Variants in BPTF observed in about 807,000 individuals in gnomAD.
BPTF encodes nucleosome-remodeling factor subunit BPTF.
Under a neutral mutation model 292.5 loss-of-function variants are expected in BPTF, and 18 were observed. The ratio of observed to expected loss-of-function variants is 0.06; its 90% CI spans 0.04 to 0.09. The LOEUF (loss-of-function observed/expected upper bound fraction) is 0.09. Ranked by LOEUF, BPTF falls within the 10% of genes least tolerant of loss-of-function variation. The pLI is 1.00. For synonymous variants in BPTF, 1,225 were observed against 1,251.9 expected (o/e 0.98, Z 0.45); for missense variants, 2,726 against 3,498.7 (o/e 0.78, Z 5.57).
intron 18 of BPTF, among the ~76,000 whole-genome samples, chr17:67,935,385 C>T (rs565762038): frequency 9.9e-5 from 15 of 152,120 alleles, no homozygotes; most frequent in Admixed American, 7.2e-4. Flanking sequence ...CACAATCTTG[C>T]CACTGCACCT....
chr17:67,957,498 T>C (rs868989023), intron 23 of BPTF, among the ~76,000 whole-genome samples: 4 of 152,186 alleles, frequency 2.6e-5, no homozygotes, highest in Admixed American at 6.5e-5. Flanking sequence ...GGGTAGGAAT[T>C]GAAGACCAGC....
In BPTF at chr17:67,832,210, G is replaced by GT. The variant is rs140728424; in HGVS notation, c.613+5879dup. On this transcript the variant is annotated intron_variant, in intron 1 of 27. Coordinates refer to ENST00000306378, the MANE Select transcript of BPTF (RefSeq NM_182641.4). ...GCCTCTAATTTTTTTCATGCTTTTGGTTTTTTAAAATGATAAGCCTCAGGA... is the reference window on the plus strand; with the variant it reads ...GCCTCTAATTTTTTTCATGCTTTTGGTTTTTTTAAAATGATAAGCCTCAGGA... Among the ~76,000 whole-genome samples, 1,008 of 150,628 alleles carry GT rather than the reference G, an allele frequency of 6.7e-3. 27 individuals are homozygous for GT. The East Asian group carries it at 0.072, about 11-fold the overall frequency.
chr17:67,911,392 G>A lies in BPTF; in HGVS notation c.3508G>A (p.Val1170Ile), dbSNP rs1425065347. The A allele has an allele frequency of 3.7e-6, 6 of 1,613,952 alleles. No homozygotes were observed. The highest frequency in any genetic ancestry group is 2.7e-5 in the African/African-American group (2 of 74,906). The part of the protein sequence containing the change: ...LYPKDRVLDD[V>I]SIRSPETKCP... Reference sequence around the variant, plus strand: ...TCCAAAAGATCGAGTGTTAGATGATGTCTCCATTCGGAGCCCAGAAACAAA... The same window carrying A: ...TCCAAAAGATCGAGTGTTAGATGATATCTCCATTCGGAGCCCAGAAACAAA... The change falls in exon 11 of 28, where the codon GTC becomes ATC. Residue 1170 changes from valine to isoleucine, a missense_variant. Val to Ile is a conservative substitution (Grantham distance 29). Transcript: ENST00000306378.
intron 1 of BPTF, among the ~76,000 whole-genome samples, chr17:67,839,528 A>G (rs1275439792): frequency 6.6e-6 from 1 of 152,120 alleles, no homozygotes; most frequent in African/African-American, 2.4e-5. Context: ...CTACTTTTTC[A>G]TGTACTGTTT....
chr17:67,874,732 A>G lies in BPTF; in HGVS notation c.1661-85A>G. The G allele has an allele frequency of 4.6e-6, 4 of 874,514 alleles. No homozygotes were observed. In the South Asian group the frequency reaches 4.9e-5, roughly 11 times the overall value. The allele number at this position is 874,514 out of a possible 1,614,324, so 54.2% of individuals were successfully genotyped here. On this transcript the variant is annotated intron_variant, in intron 3 of 27. Transcript: ENST00000306378. ...TAATTTTTCCTCTTTAATAGCTTGT[A>G]TTGAAACTCGTAAGTGACATTTGTG...
intron 25 of BPTF, 34 bp from the exon 26 acceptor site, chr17:67,966,538 C>A: frequency 6.3e-7 from 1 of 1,584,544 alleles, no homozygotes; most frequent in South Asian, 1.1e-5. Context: ...TTAGTGTTTT[C>A]ACTGACAATA....
intron 13 of BPTF, 74 bp from the exon 14 acceptor site, chr17:67,922,766 A>G (rs2063544278): frequency 6.7e-6 from 10 of 1,490,616 alleles, no homozygotes; most frequent in Admixed American, 2.4e-5. Context: ...CCACTTTTTC[A>G]TGATAGAAGA....
rs2070614714 is a variant in BPTF, at chr17:67,983,349, C to T, written c.*1061C>T. The T allele has an allele frequency of 6.6e-6, 1 of 152,632 alleles. No individual in the cohort carries two copies. The highest frequency in any genetic ancestry group is 6.5e-5 in the Admixed American group (1 of 15,274). 9.5% of individuals were successfully genotyped at this position (152,632 alleles called of 1,614,324 possible). On this transcript the variant is annotated 3_prime_UTR_variant, in exon 28 of 28. Transcript: ENST00000306378. ...ATCTTCAGGGGTGCTAATCCTGTTG[C>T]ATCAGTTGATCATACTAACGAGAAC... is the stretch of plus-strand genomic sequence containing the variant.
At chr17:67,827,189 T>C (rs1458519563) in intron 1 of BPTF, among the ~76,000 whole-genome samples, 2 of 152,232 alleles carry the variant, frequency 1.3e-5, no homozygotes, top group East Asian at 1.9e-4. Context: ...AGATATGTAG[T>C]TGATCATCTA....
intron 1 of BPTF, among the ~76,000 whole-genome samples, chr17:67,841,365 C>T (rs1469004511): frequency 5.9e-5 from 9 of 152,036 alleles, no homozygotes; most frequent in South Asian, 2.1e-4. Context: ...GTCGAGATTG[C>T]GCCATTGCAC....
chr17:67,913,312 A>G lies in BPTF; in HGVS notation c.5303+125A>G, dbSNP rs557947978. 4,004 of 1,401,702 alleles carry G rather than the reference A, an allele frequency of 2.9e-3. 11 individuals carry two copies. The highest frequency in any genetic ancestry group is 3.4e-3 in the Non-Finnish European group (3,631 of 1,060,388). 86.8% of individuals were successfully genotyped at this position (1,401,702 alleles called of 1,614,324 possible). On this transcript the variant is annotated intron_variant, in intron 11 of 27. Coordinates refer to ENST00000306378, the MANE Select transcript of BPTF (RefSeq NM_182641.4). The stretch of plus-strand genomic sequence containing the variant: ...ACAGGAAACATATTAATGGCCAAAG[A>G]TAGTAATGGAAACAGGATACAGAAA...
intron 6 of BPTF, 119 bp downstream of exon 6, chr17:67,893,844 AG>A: frequency 1.7e-6 from 2 of 1,143,982 alleles, no homozygotes; most frequent in Non-Finnish European, 1.2e-6. Context: ...CAATGTGGTC[AG>A]CAGACAGGAC....
intron 11 of BPTF, among the ~76,000 whole-genome samples, chr17:67,918,094 C>T (rs906173356): frequency 3.4e-5 from 5 of 148,752 alleles, no homozygotes; most frequent in Non-Finnish European, 7.4e-5. Flanking sequence ...CCACCATGCC[C>T]GGCCCTAAGT....
chr17:67,969,049 C>A (rs1221705268), intron 26 of BPTF, among the ~76,000 whole-genome samples: 1 of 151,172 alleles, frequency 6.6e-6, no homozygotes, highest in African/African-American at 2.5e-5. Context: ...TGCCTGTAAC[C>A]CCAGCACTTT....
At chr17:67,886,704 T>C (rs2060777222) in intron 4 of BPTF, among the ~76,000 whole-genome samples, 1 of 152,164 alleles carries the variant, frequency 6.6e-6, no homozygotes, top group Admixed American at 6.5e-5. Flanking sequence ...ATTTTTTAGT[T>C]TTGGGGTTTT....
rs189851804 is a variant in BPTF, at chr17:67,932,835, A to G, written c.6259+816A>G. Among the ~76,000 whole-genome samples, 352 of 152,340 alleles carry G rather than the reference A, an allele frequency of 2.3e-3. 1 individual carries two copies. The highest frequency in any genetic ancestry group is 8.2e-3 in the African/African-American group (339 of 41,588). ...ACTAGAGATGGACACAGGCACATGA[A>G]ATAAAGGCCATAAAAAGAAAGAAAA... On this transcript the variant is annotated intron_variant, in intron 18 of 27. Transcript: ENST00000306378.
At chr17:67,872,824 G>T (rs1267620085) in intron 3 of BPTF, among the ~76,000 whole-genome samples, 6 of 152,204 alleles carry the variant, frequency 3.9e-5, no homozygotes, top group Non-Finnish European at 7.3e-5. Flanking sequence ...TAAGGGCTGG[G>T]CACTGCTAAC....
At chr17:67,851,877 G>A (rs190712661) in intron 1 of BPTF, among the ~76,000 whole-genome samples, 1 of 149,128 alleles carries the variant, frequency 6.7e-6, no homozygotes, top group African/African-American at 2.5e-5. Flanking sequence ...TCTCATTGTG[G>A]TTTTACTTTG....
chr17:67,839,308 TTC>T (rs2144288189), intron 1 of BPTF, among the ~76,000 whole-genome samples: 1 of 152,250 alleles, frequency 6.6e-6, no homozygotes, highest in South Asian at 2.1e-4. Context: ...ATTCACCTGG[TTC>T]TCTTTTTTTT....
Sources: gnomAD v4.1 joint callset for allele counts (sites outside exome capture counted in the v4.1 genomes callset) on GRCh38, gnomAD v4.1.1 for gene constraint, MANE v1.5 for transcripts, NCBI Gene and HGNC (gene_info 2026-07-23, HGNC 2026-07-21) for gene names.